CRACD: variants seen among roughly 807,000 people sequenced by gnomAD.
CRACD encodes the protein capping protein inhibiting regulator of actin dynamics, also known as capping protein-inhibiting regulator of actin dynamics.
Under a neutral mutation model 106.8 loss-of-function variants are expected in CRACD, and 56 were observed. That is an observed-to-expected ratio of 0.52 (90% confidence interval 0.42 to 0.66). The LOEUF is 0.66. Among genes scored for constraint, CRACD ranks in the 30% least tolerant of loss-of-function variants. The pLI, the probability that CRACD is intolerant of heterozygous loss-of-function variation, is 0.00. For synonymous variants in CRACD, 754 were observed against 670.8 expected (o/e 1.12, Z -1.92); for missense variants, 1,730 against 1,623.2 (o/e 1.07, Z -1.13).
At chr4:56,187,979 G>A (rs573704901) in intron 2 of CRACD, among the ~76,000 whole-genome samples, 4 of 152,150 alleles carry the variant, frequency 2.6e-5, no homozygotes, top group Admixed American at 2.0e-4. Context: ...TGAAATAAAT[G>A]ACTAATTCTG....
At chr4:56,245,466 ACTGGTTTTCTGAACT>A (rs1740629998) in intron 2 of CRACD, among the ~76,000 whole-genome samples, 1 of 152,244 alleles carries the variant, frequency 6.6e-6, no homozygotes, top group Non-Finnish European at 1.5e-5. Flanking sequence ...AGAAATGTTT[ACTGGTTTTCTGAACT>A]AAAGCCTTTG....
Position 56,157,778 on chromosome 4 carries a change from G to A in CRACD, c.-335-21506G>A, listed in dbSNP as rs1456052213. On this transcript the variant is annotated intron_variant, in intron 1 of 10. Coordinates refer to ENST00000682029, the MANE Select transcript of CRACD (RefSeq NM_001393381.1). The stretch of plus-strand genomic sequence containing the variant: ...TGAGAACTTCCTTTTAAAATTCAGG[G>A]CCAGGATAACTTTGCCTTCCTGAGG... 2.6e-5 allele frequency among the ~76,000 whole-genome samples: 4 copies of A among 152,232 alleles called. No individual in the cohort carries two copies. In the East Asian group the frequency reaches 7.7e-4, roughly 29 times the overall value.
At chr4:56,301,259 A>G (rs1302127201) in intron 4 of CRACD, 2 of 1,283,190 alleles carry the variant, frequency 1.6e-6, no homozygotes, top group Non-Finnish European at 2.0e-6. Flanking sequence ...TAAGTCGTAG[A>G]AGTGATAGTA....
At chr4:56,282,654 A>T (rs960675710) in intron 3 of CRACD, among the ~76,000 whole-genome samples, 1 of 152,194 alleles carries the variant, frequency 6.6e-6, no homozygotes. Context: ...TTTCTCTGGC[A>T]TCCTCAGGGA....
chr4:56,244,075 A>T (rs2109569652), intron 2 of CRACD, among the ~76,000 whole-genome samples: 1 of 152,240 alleles, frequency 6.6e-6, no homozygotes, highest in African/African-American at 2.4e-5. Context: ...TTACTGGGAA[A>T]ATGGGAGACT....
chr4:56,185,150 G>C (rs1263523132), intron 2 of CRACD, among the ~76,000 whole-genome samples: 3 of 152,046 alleles, frequency 2.0e-5, no homozygotes, highest in East Asian at 1.9e-4. Flanking sequence ...GTAGAGACAG[G>C]GTTTCACTGT....
At chr4:56,158,119 A>T (rs929730331) in intron 1 of CRACD, among the ~76,000 whole-genome samples, 1 of 152,232 alleles carries the variant, frequency 6.6e-6, no homozygotes, top group Non-Finnish European at 1.5e-5. Context: ...CAATCCTAAA[A>T]CAACTACTCA....
At chr4:56,220,027 T>A (rs1738943881) in intron 2 of CRACD, among the ~76,000 whole-genome samples, 1 of 152,178 alleles carries the variant, frequency 6.6e-6, no homozygotes. Context: ...GAAATAAGAT[T>A]ATATTTGATT....
intron 1 of CRACD, chr4:56,097,474 G>A (rs1733636528): frequency 6.5e-6 from 1 of 152,718 alleles, no homozygotes; most frequent in African/African-American, 2.4e-5. Flanking sequence ...GTACTTGGAT[G>A]GGAGAATGTG....
intron 8 of CRACD, 84 bp from the exon 9 acceptor site, chr4:56,323,293 T>C (rs1180326751): frequency 8.4e-7 from 1 of 1,191,090 alleles, no homozygotes; most frequent in Non-Finnish European, 1.2e-6. Flanking sequence ...GTTATTAATA[T>C]GTCACAAGTT....
chr4:56,282,796 G>T (rs947042626), intron 3 of CRACD, among the ~76,000 whole-genome samples: 4 of 152,228 alleles, frequency 2.6e-5, no homozygotes, highest in African/African-American at 4.8e-5. Flanking sequence ...GATTGTGAAT[G>T]AGGAGAACTT....
intron 3 of CRACD, among the ~76,000 whole-genome samples, chr4:56,297,154 G>T (rs1285481858): frequency 6.6e-6 from 1 of 151,970 alleles, no homozygotes; most frequent in Non-Finnish European, 1.5e-5. Flanking sequence ...TATTGCCCAG[G>T]CTGGTCTCGA....
intron 2 of CRACD, among the ~76,000 whole-genome samples, chr4:56,251,403 G>A (rs1306059153): frequency 3.9e-5 from 6 of 152,182 alleles, no homozygotes; most frequent in African/African-American, 9.7e-5. Flanking sequence ...CAGGTGATGC[G>A]ATTCAGCAGA....
chr4:56,092,295 G>T (rs1733448000), intron 1 of CRACD, among the ~76,000 whole-genome samples: 1 of 152,144 alleles, frequency 6.6e-6, no homozygotes, highest in African/African-American at 2.4e-5. Context: ...CAGCTCTGAG[G>T]CAGAGGATAT....
chr4:56,064,898 A>T (rs770397155), intron 1 of CRACD, among the ~76,000 whole-genome samples: 7 of 152,170 alleles, frequency 4.6e-5, no homozygotes, highest in Non-Finnish European at 1.0e-4. Flanking sequence ...GTATCTGGAC[A>T]TGGACGGGTC....
intron 2 of CRACD, among the ~76,000 whole-genome samples, chr4:56,210,506 A>C (rs1307751660): frequency 6.6e-6 from 1 of 152,212 alleles, no homozygotes; most frequent in Admixed American, 6.5e-5. Context: ...TGCTTAAAAC[A>C]ATTGTTAGGG....
At chr4:56,290,328 A>G (rs920150113) in intron 3 of CRACD, among the ~76,000 whole-genome samples, 1 of 152,198 alleles carries the variant, frequency 6.6e-6, no homozygotes, top group Admixed American at 6.5e-5. Context: ...TTACAAAATA[A>G]TATAGCACAG....
intron 1 of CRACD, among the ~76,000 whole-genome samples, chr4:56,137,182 G>C (rs757858553): frequency 3.5e-4 from 53 of 151,734 alleles, no homozygotes; most frequent in Non-Finnish European, 6.6e-4. Context: ...CTGTAATCTC[G>C]ATGACTTGAG....
At chr4:56,232,700 C>CTTTA (rs71666123) in intron 2 of CRACD, among the ~76,000 whole-genome samples, 18,744 of 141,504 alleles carry the variant, frequency 0.13, 1,541 homozygotes, top group East Asian at 0.41. Context: ...AAACATGTAT[C>CTTTA]TTTATTTATT....
Sources: allele counts gnomAD v4.1 joint callset (sites outside exome capture counted in the v4.1 genomes callset), GRCh38; gene constraint gnomAD v4.1.1; transcripts MANE v1.5; gene names NCBI Gene and HGNC (gene_info 2026-07-23, HGNC 2026-07-21).